Variants in PABPC4L observed in about 807,000 individuals in gnomAD.
PABPC4L encodes polyadenylate-binding protein 4-like.
For missense variants in PABPC4L, 452 were observed against 451.4 expected (o/e 1.00, Z -0.01); for synonymous variants, 169 against 164.1 (o/e 1.03, Z -0.23).
At chr4:134,151,632 C>G in the PABPC4L span, among the ~76,000 whole-genome samples, 1 of 151,918 alleles carries the variant, frequency 6.6e-6, no homozygotes, top group Admixed American at 6.6e-5. Context: ...TACATTTCAT[C>G]TTATCTTTTC....
At chr4:134,020,084 A>G in the PABPC4L span, among the ~76,000 whole-genome samples, 1 of 152,132 alleles carries the variant, frequency 6.6e-6, no homozygotes, top group Admixed American at 6.6e-5. Context: ...TACAACAACT[A>G]CTGTTACAGG....
At chr4:134,102,845 T>C in the PABPC4L span, among the ~76,000 whole-genome samples, 3 of 151,550 alleles carry the variant, frequency 2.0e-5, no homozygotes, top group Admixed American at 6.6e-5. Context: ...TAAATATGTT[T>C]ATAAGTACAT....
At chr4:134,024,440 C>T in the PABPC4L span, among the ~76,000 whole-genome samples, 14 of 152,100 alleles carry the variant, frequency 9.2e-5, no homozygotes, top group South Asian at 2.1e-4. Flanking sequence ...GGCTACTCTT[C>T]CTGACCTGCA....
At chr4:134,145,355 G>A in the PABPC4L span, among the ~76,000 whole-genome samples, 1 of 151,964 alleles carries the variant, frequency 6.6e-6, no homozygotes, top group Non-Finnish European at 1.5e-5. Context: ...AAAACTATGA[G>A]AAATCTAGGC....
At chr4:134,050,750 A>T in the PABPC4L span, among the ~76,000 whole-genome samples, 1 of 151,334 alleles carries the variant, frequency 6.6e-6, no homozygotes, top group African/African-American at 2.4e-5. Flanking sequence ...ACGTAAGGAT[A>T]TACTTCAGTG....
Position 134,199,631 on chromosome 4 carries a change from A to G in PABPC4L, c.*276T>C, listed in dbSNP as rs527635570. 2.2e-5 allele frequency: 6 copies of G among 277,236 alleles called. No homozygotes were observed. The highest frequency in any genetic ancestry group is 5.1e-5 in the Admixed American group (1 of 19,542). 17.2% of individuals were successfully genotyped at this position (277,236 alleles called of 1,614,324 possible). A position where few individuals can be genotyped will look rare whatever the true frequency, so the allele number is the denominator to read the frequency against. On this transcript the variant is annotated 3_prime_UTR_variant, in exon 2 of 2. Transcript: ENST00000421491. The stretch of plus-strand genomic sequence containing the variant: ...TTTCATTTGGTTCAAATGTAAAAAT[A>G]TATCTATTTATACTTATTGCTATGA...
At chr4:134,039,737 C>T in the PABPC4L span, among the ~76,000 whole-genome samples, 218 of 152,018 alleles carry the variant, frequency 1.4e-3, no homozygotes, top group African/African-American at 4.9e-3. Context: ...GATGGGTCTC[C>T]TGAATGCAGC....
the PABPC4L span, among the ~76,000 whole-genome samples, chr4:133,954,829 A>G: frequency 6.6e-6 from 1 of 152,194 alleles, no homozygotes; most frequent in Non-Finnish European, 1.5e-5. Context: ...ATAGTAATCA[A>G]AGAAGTACAT....
At chr4:134,044,770 T>G in the PABPC4L span, among the ~76,000 whole-genome samples, 1 of 152,340 alleles carries the variant, frequency 6.6e-6, no homozygotes, top group Admixed American at 6.5e-5. Context: ...TATTGCAAGT[T>G]TATGCCCCAG....
At chr4:133,992,833 T>C in the PABPC4L span, among the ~76,000 whole-genome samples, 2 of 152,048 alleles carry the variant, frequency 1.3e-5, no homozygotes, top group Admixed American at 6.5e-5. Context: ...GCCTCCTGAG[T>C]TGTCTTTGTC....
chr4:134,133,535 C>T, the PABPC4L span, among the ~76,000 whole-genome samples: 1 of 150,324 alleles, frequency 6.7e-6, no homozygotes, highest in Non-Finnish European at 1.5e-5. Context: ...TTTGCAGCAA[C>T]TTGAATGGAA....
the PABPC4L span, among the ~76,000 whole-genome samples, chr4:134,110,288 G>T: frequency 6.6e-6 from 1 of 151,960 alleles, no homozygotes; most frequent in African/African-American, 2.4e-5. Context: ...AGTAATTACT[G>T]TCAATTAAAA....
the PABPC4L span, among the ~76,000 whole-genome samples, chr4:134,141,318 A>T: frequency 6.6e-6 from 1 of 151,400 alleles, no homozygotes; most frequent in Admixed American, 6.6e-5. Context: ...GGTAAGCAAA[A>T]TTTATTCCCA....
chr4:134,058,630 A>T, the PABPC4L span, among the ~76,000 whole-genome samples: 1 of 152,054 alleles, frequency 6.6e-6, no homozygotes, highest in Admixed American at 6.6e-5. Context: ...AGGTAGATTC[A>T]TTCCTCTAGA....
At chr4:134,196,116 C>A (rs1193371898), downstream of PABPC4L, among the ~76,000 whole-genome samples, 2 of 150,852 alleles carry the variant, frequency 1.3e-5, no homozygotes, top group East Asian at 1.9e-4. Flanking sequence ...TTAATTATTC[C>A]TCATTAAAAC....
chr4:134,046,567 C>G, the PABPC4L span, among the ~76,000 whole-genome samples: 1 of 152,018 alleles, frequency 6.6e-6, no homozygotes, highest in Non-Finnish European at 1.5e-5. Context: ...AGACCCCTTA[C>G]GGGTATGGGG....
rs577950831 is a variant in PABPC4L, at chr4:134,196,943, A to T, written c.*2964T>A. 3.3e-5 allele frequency: 5 copies of T among 151,878 alleles called. No individual in the cohort carries two copies. In the East Asian group the frequency reaches 9.7e-4, roughly 29 times the overall value. 9.4% of individuals were successfully genotyped at this position (151,878 alleles called of 1,614,324 possible). The stretch of plus-strand genomic sequence containing the variant: ...TATGTCCTATTAACTACTTACATAC[A>T]TGAAAGAACTCTGTTTCCTGATATT... On this transcript the variant is annotated 3_prime_UTR_variant, in exon 2 of 2. Transcript: ENST00000421491.
chr4:134,103,377 A>G, the PABPC4L span, among the ~76,000 whole-genome samples: 1 of 151,630 alleles, frequency 6.6e-6, no homozygotes, highest in Non-Finnish European at 1.5e-5. Flanking sequence ...ACAGTTTTGG[A>G]TGCCAGAAGT....
chr4:133,985,088 T>C, the PABPC4L span, among the ~76,000 whole-genome samples: 1 of 151,768 alleles, frequency 6.6e-6, no homozygotes, highest in African/African-American at 2.4e-5. Flanking sequence ...CAAAAACAAA[T>C]GAATAAACCA....
Sources: gnomAD v4.1 joint callset for allele counts (sites outside exome capture counted in the v4.1 genomes callset) on GRCh38, gnomAD v4.1.1 for gene constraint, MANE v1.5 for transcripts, NCBI Gene and HGNC (gene_info 2026-07-23, HGNC 2026-07-21) for gene names.